Variants in COLEC12 observed in about 807,000 individuals in gnomAD.
COLEC12 encodes the protein collectin-12.
Under a neutral mutation model 71.1 loss-of-function variants are expected in COLEC12, and 33 were observed. That is an observed-to-expected ratio of 0.46 (90% CI 0.35 to 0.62). The LOEUF is 0.62. Among genes scored for constraint, COLEC12 ranks in the 20% least tolerant of loss-of-function variants. The probability of loss-of-function intolerance (pLI) is 0.00; values close to 1 mark genes in which losing one functional copy is unlikely to be tolerated. For missense variants in COLEC12, 765 were observed against 916.1 expected (o/e 0.84, Z 2.13); for synonymous variants, 350 against 353.0 (o/e 0.99, Z 0.10).
At chr18:493,566 C>T (rs1183866318) in intron 1 of COLEC12, among the ~76,000 whole-genome samples, 1 of 152,162 alleles carries the variant, frequency 6.6e-6, no homozygotes, top group African/African-American at 2.4e-5. Flanking sequence ...CTTTGGATTC[C>T]AGTTGTTTAC....
At chr18:369,481 G>A (rs960540144) in intron 2 of COLEC12, among the ~76,000 whole-genome samples, 10 of 134,226 alleles carry the variant, frequency 7.5e-5, no homozygotes, top group African/African-American at 2.8e-4. Flanking sequence ...TAAGTTTTAG[G>A]GTACATGTGC....
At position 441,124 on chromosome 18, in the gene COLEC12, T is replaced by C. The variant is rs2143694323; in HGVS notation, c.58+39583A>G. Reference sequence around the variant, plus strand: ...TTGGCCAGGCGTGGTGGCGGGCGCCTGTAGTCCCAGCTGCTGGGGAGGCTG... The same window carrying C: ...TTGGCCAGGCGTGGTGGCGGGCGCCCGTAGTCCCAGCTGCTGGGGAGGCTG... On this transcript the variant is annotated intron_variant, in intron 2 of 9. Transcript: ENST00000400256. 2.1e-5 allele frequency among the ~76,000 whole-genome samples: 2 copies of C among 96,798 alleles called. 1 individual carries two copies. Among genetic ancestry groups the C allele is most frequent in the South Asian group, 7.6e-4 (2 of 2,628 alleles). 63.5% of individuals were successfully genotyped at this position (96,798 alleles called of 152,430 possible).
rs995890294 is a variant in COLEC12, at chr18:399,715, G to A, written c.59-42193C>T. On this transcript the variant is annotated intron_variant, in intron 2 of 9. Transcript: ENST00000400256. This position sits in a 1 kb window ranked among gnomAD's most constrained non-coding sequence, Gnocchi z 4.0. ...CCTGTTGTTAGTTCAACGGGGATGC[G>A]GAATTTGGGGTGGATGCCGAGCGCT... Among the ~76,000 whole-genome samples the A allele has an allele frequency of 3.3e-5, 5 of 152,130 alleles. No homozygotes were observed. The highest frequency in any genetic ancestry group is 6.5e-5 in the Admixed American group (1 of 15,270).
At chr18:440,585 T>TATAG in intron 2 of COLEC12, among the ~76,000 whole-genome samples, 1 of 152,202 alleles carries the variant, frequency 6.6e-6, no homozygotes, top group African/African-American at 2.4e-5. Flanking sequence ...AATACAGTCA[T>TATAG]CCCTCAGTAT....
chr18:345,211 C>G (rs1367097834), intron 5 of COLEC12, among the ~76,000 whole-genome samples: 5 of 152,220 alleles, frequency 3.3e-5, no homozygotes, highest in African/African-American at 1.2e-4. Context: ...GCATCTTCCA[C>G]CAGTACTTTC....
intron 8 of COLEC12, among the ~76,000 whole-genome samples, chr18:328,950 A>G (rs1452175561): frequency 1.3e-5 from 2 of 152,194 alleles, no homozygotes; most frequent in Admixed American, 6.5e-5. Flanking sequence ...TCTTGCTTTT[A>G]AAATTTGATC....
intron 1 of COLEC12, among the ~76,000 whole-genome samples, chr18:490,232 G>A (rs1917595702): frequency 6.6e-6 from 1 of 152,248 alleles, no homozygotes; most frequent in African/African-American, 2.4e-5. Flanking sequence ...CGTGAGACCA[G>A]CCAGGGAGCC....
chr18:446,272 G>A (rs921323153), intron 2 of COLEC12, among the ~76,000 whole-genome samples: 2 of 151,862 alleles, frequency 1.3e-5, no homozygotes, highest in East Asian at 1.9e-4. Context: ...GTGTGTGCAC[G>A]TGTGCATATG....
intron 2 of COLEC12, among the ~76,000 whole-genome samples, chr18:437,409 T>C (rs1481630980): frequency 6.6e-6 from 1 of 152,198 alleles, no homozygotes; most frequent in Non-Finnish European, 1.5e-5. Flanking sequence ...CTGCCCACTG[T>C]GACCTGTCCC....
chr18:459,632 G>A (rs1437349910), intron 2 of COLEC12, among the ~76,000 whole-genome samples: 1 of 152,244 alleles, frequency 6.6e-6, no homozygotes, highest in Non-Finnish European at 1.5e-5. Context: ...ATCTGGTGCA[G>A]CAGGTGCCCT....
At chr18:499,957 C>T (rs769241085) in intron 1 of COLEC12, among the ~76,000 whole-genome samples, 4 of 152,230 alleles carry the variant, frequency 2.6e-5, no homozygotes, top group Non-Finnish European at 5.9e-5. Context: ...GAGAAAGATG[C>T]CAAATGCACT....
chr18:449,940 A>G (rs1360836876), intron 2 of COLEC12, among the ~76,000 whole-genome samples: 1 of 152,252 alleles, frequency 6.6e-6, no homozygotes, highest in Non-Finnish European at 1.5e-5. Flanking sequence ...CAGTAATAAC[A>G]TTATTTAAAA....
chr18:387,629 T>A (rs987047848), intron 2 of COLEC12, among the ~76,000 whole-genome samples: 48 of 152,344 alleles, frequency 3.2e-4, no homozygotes, highest in African/African-American at 1.2e-3. Context: ...GCTCAGTCTC[T>A]CACGGCAACA....
At position 468,806 on chromosome 18, in the gene COLEC12, T is replaced by A. The variant is rs142523208; in HGVS notation, c.58+11901A>T. Among the ~76,000 whole-genome samples the A allele has an allele frequency of 1.0e-3, 154 of 152,368 alleles. 2 individuals are homozygous for A. The highest frequency in any genetic ancestry group is 3.7e-3 in the African/African-American group (152 of 41,592). On this transcript the variant is annotated intron_variant, in intron 2 of 9. Coordinates refer to ENST00000400256, the MANE Select transcript of COLEC12 (RefSeq NM_130386.3). ...TAAAGACTGGCGGTGCAAATTTACTTAAGGTTATTTGGGCCCTCTGAGATC... is the reference window on the plus strand; with the variant it reads ...TAAAGACTGGCGGTGCAAATTTACTAAAGGTTATTTGGGCCCTCTGAGATC...
chr18:496,347 T>C (rs1292321767), intron 1 of COLEC12, among the ~76,000 whole-genome samples: 1 of 152,164 alleles, frequency 6.6e-6, no homozygotes, highest in Admixed American at 6.5e-5. Context: ...TACTTAGCAA[T>C]AATTAAACCT....
At chr18:436,539 G>A (rs1473221491) in intron 2 of COLEC12, among the ~76,000 whole-genome samples, 7 of 60,090 alleles carry the variant, frequency 1.2e-4, no homozygotes, top group African/African-American at 4.2e-4. Flanking sequence ...GGGGGGGGGG[G>A]AAACAGGGGT....
chr18:438,802 CAAAA>C (rs55912485), intron 2 of COLEC12, among the ~76,000 whole-genome samples: 1 of 132,706 alleles, frequency 7.5e-6, no homozygotes, highest in Non-Finnish European at 1.6e-5. Flanking sequence ...GACCTTGTCT[CAAAA>C]AAAAAAAAAA....
chr18:364,356 G>A (rs2155543), intron 2 of COLEC12, among the ~76,000 whole-genome samples: 10,888 of 152,252 alleles, frequency 0.072, 545 homozygotes, highest in South Asian at 0.18. Context: ...GTTTTTATAA[G>A]AAATCCTTTA....
At chr18:421,762 A>G (rs1171540093) in intron 2 of COLEC12, among the ~76,000 whole-genome samples, 2 of 152,108 alleles carry the variant, frequency 1.3e-5, no homozygotes, top group East Asian at 3.9e-4. Flanking sequence ...TCTTATCTAG[A>G]CATTCCTGCC....
Sources: allele counts gnomAD v4.1 joint callset (sites outside exome capture counted in the v4.1 genomes callset), GRCh38; gene constraint gnomAD v4.1.1; non-coding constraint Gnocchi (gnomAD v3.1); transcripts MANE v1.5; gene names NCBI Gene and HGNC (gene_info 2026-07-23, HGNC 2026-07-21).